The following TECR variants were observed in gnomAD, a reference collection of about 807,000 sequenced individuals.
The protein encoded by TECR is trans-2,3-enoyl-CoA reductase.
In TECR, 19 loss-of-function variants were observed where a neutral mutation model predicts 50.6. The observed-to-expected ratio is 0.38, with a 90% confidence interval of 0.26 to 0.55. The LOEUF is 0.55. Ranked by LOEUF, TECR falls within the 20% of genes least tolerant of loss-of-function variation. The pLI, the probability that TECR is intolerant of heterozygous loss-of-function variation, is 0.79. For synonymous variants in TECR, 168 were observed against 163.5 expected (o/e 1.03, Z -0.21); for missense variants, 313 against 408.3 (o/e 0.77, Z 2.01).
chr19:14,560,999 C>T (rs988058051), intron 1 of TECR, among the ~76,000 whole-genome samples: 1 of 152,120 alleles, frequency 6.6e-6, no homozygotes, highest in Non-Finnish European at 1.5e-5. Context: ...GGTGACATGC[C>T]TGGGGTCCCC....
At position 14,563,616 on chromosome 19, in the gene TECR, C is replaced by A; in HGVS notation, c.119-42C>A. The A allele has an allele frequency of 1.2e-6, 2 of 1,610,074 alleles. No homozygotes were observed. The highest frequency in any genetic ancestry group is 1.7e-6 in the Non-Finnish European group (2 of 1,179,682). On this transcript the variant is annotated intron_variant, in intron 3 of 12. Coordinates refer to ENST00000215567, the MANE Select transcript of TECR (RefSeq NM_138501.6). The surrounding 1 kb of genome is among the most constrained non-coding windows in gnomAD (Gnocchi z 5.3). ...TGGCTGGGCAGCGGACCGGCTGAGCCCTGCCAGGCTGTGGGCTGTAACTGC... is the reference window on the plus strand; with the variant it reads ...TGGCTGGGCAGCGGACCGGCTGAGCACTGCCAGGCTGTGGGCTGTAACTGC...
chr19:14,559,612 C>T (rs1375667469), intron 1 of TECR, among the ~76,000 whole-genome samples: 1 of 151,972 alleles, frequency 6.6e-6, no homozygotes, highest in African/African-American at 2.4e-5. Context: ...CATGGTGAAA[C>T]CCCATCTCTC....
intron 1 of TECR, among the ~76,000 whole-genome samples, chr19:14,552,473 C>G (rs2073562849): frequency 6.6e-6 from 1 of 151,986 alleles, no homozygotes; most frequent in African/African-American, 2.4e-5. Flanking sequence ...GCGAGGGCTT[C>G]CTCGTTCCCA....
intron 1 of TECR, among the ~76,000 whole-genome samples, chr19:14,547,063 A>G (rs187620605): frequency 6.6e-6 from 1 of 152,346 alleles, no homozygotes; most frequent in East Asian, 1.9e-4. Context: ...ATAAACATGT[A>G]TTATAATAAG....
chr19:14,535,271 G>C (rs1234338893), intron 1 of TECR, among the ~76,000 whole-genome samples: 2 of 151,640 alleles, frequency 1.3e-5, no homozygotes, highest in Non-Finnish European at 2.9e-5. Flanking sequence ...ACTTTGGGAG[G>C]CCGAGGTGGG....
chr19:14,528,457 C>T (rs2072486381), upstream of TECR, among the ~76,000 whole-genome samples: 1 of 151,026 alleles, frequency 6.6e-6, no homozygotes, highest in African/African-American at 2.4e-5. Flanking sequence ...CCAGGCTGGT[C>T]TCGAACTCCT....
intron 1 of TECR, among the ~76,000 whole-genome samples, chr19:14,537,717 C>T (rs991795150): frequency 1.3e-5 from 2 of 149,756 alleles, no homozygotes; most frequent in African/African-American, 2.5e-5. Context: ...TAGTAAATTA[C>T]GGTGAATATA....
intron 1 of TECR, among the ~76,000 whole-genome samples, chr19:14,545,428 C>T (rs2073271526): frequency 6.6e-6 from 1 of 152,224 alleles, no homozygotes; most frequent in African/African-American, 2.4e-5. Context: ...GTCTCCTCTC[C>T]ACAGCTCCTG....
chr19:14,539,678 C>T (rs1038719611), intron 1 of TECR, among the ~76,000 whole-genome samples: 3 of 152,130 alleles, frequency 2.0e-5, no homozygotes, highest in Admixed American at 6.5e-5. Flanking sequence ...CTGCCCTAAG[C>T]ACATGCTATT....
intron 1 of TECR, among the ~76,000 whole-genome samples, chr19:14,552,973 C>G (rs951150115): frequency 6.6e-6 from 1 of 152,058 alleles, no homozygotes; most frequent in Admixed American, 6.5e-5. Context: ...GGCCAGTGCT[C>G]CTCGGAGGCC....
At chr19:14,546,825 G>A (rs1239415139) in intron 1 of TECR, among the ~76,000 whole-genome samples, 1 of 152,130 alleles carries the variant, frequency 6.6e-6, no homozygotes, top group Non-Finnish European at 1.5e-5. Flanking sequence ...AGGTAGCTGG[G>A]ACTACAGGTG....
rs1007090986 is a variant in TECR, at chr19:14,564,082, G to A, written c.368G>A (p.Arg123Gln). The change falls in exon 6 of 13, where the codon CGG (arginine) becomes CAG (glutamine). Residue 123 changes from arginine (R) to glutamine (Q), a missense_variant. Coordinates refer to ENST00000215567, the MANE Select transcript of TECR (RefSeq NM_138501.6). ...YGHKYDFTSSRHTVVHLACIC... is the reference protein window; with the variant it reads ...YGHKYDFTSSQHTVVHLACIC... ...CACAAATATGACTTTACGTCCAGTCGGCATACAGTGGTGCAGTAAGTGGGG... is the reference window on the plus strand; with the variant it reads ...CACAAATATGACTTTACGTCCAGTCAGCATACAGTGGTGCAGTAAGTGGGG... 1.2e-6 allele frequency: 2 copies of A among 1,612,310 alleles called. No homozygotes were observed. The highest frequency in any genetic ancestry group is 2.2e-5 in the South Asian group (2 of 91,080).
intron 1 of TECR, among the ~76,000 whole-genome samples, chr19:14,544,607 C>T (rs1298431460): frequency 1.3e-5 from 2 of 148,700 alleles, no homozygotes; most frequent in African/African-American, 4.9e-5. Flanking sequence ...CCGGGCTCAT[C>T]TTTTGCTGCT....
chr19:14,564,103 T>C lies in TECR; in HGVS notation c.383+6T>C. 6.2e-7 allele frequency: 1 copy of C among 1,610,344 alleles called. No individual in the cohort carries two copies. The highest frequency in any genetic ancestry group is 8.5e-7 in the Non-Finnish European group (1 of 1,179,720). On this transcript the variant is annotated splice_donor_region_variant and intron_variant, in intron 6 of 12. Transcript: ENST00000215567. Reference sequence around the variant, plus strand: ...AGTCGGCATACAGTGGTGCAGTAAGTGGGGCAGGTGGGAGGAGGGTAGGGG... The same window carrying C: ...AGTCGGCATACAGTGGTGCAGTAAGCGGGGCAGGTGGGAGGAGGGTAGGGG...
rs773366371 is a variant in TECR at position 14,563,114 on chromosome 19, C to T, written c.67-92C>T. The T allele has an allele frequency of 1.6e-5, 25 of 1,558,368 alleles. No homozygotes were observed. The South Asian group carries it at 2.4e-4, about 15-fold the overall frequency. The stretch of plus-strand genomic sequence containing the variant: ...CTTCCCCCTTCCCATAGCTACAGCC[C>T]AACCCCCAGCCTGCCATCCCCTTTA... On this transcript the variant is annotated intron_variant, in intron 2 of 12. Transcript: ENST00000215567. This position sits in a 1 kb window ranked among gnomAD's most constrained non-coding sequence, Gnocchi z 5.3.
At chr19:14,553,379 G>A (rs2073606608) in intron 1 of TECR, among the ~76,000 whole-genome samples, 1 of 152,132 alleles carries the variant, frequency 6.6e-6, no homozygotes, top group Admixed American at 6.5e-5. Context: ...CTGGGAGTGG[G>A]AGGTCAGCCA....
At chr19:14,528,004 C>A (rs762748587), upstream of TECR, among the ~76,000 whole-genome samples, 12 of 151,810 alleles carry the variant, frequency 7.9e-5, no homozygotes, top group Non-Finnish European at 8.8e-5. Flanking sequence ...GATTCTCAGC[C>A]TCCCTAGTAG....
chr19:14,529,384 T>C (rs1464861480), upstream of TECR: 1 of 543,014 alleles, frequency 1.8e-6, no homozygotes, highest in Non-Finnish European at 3.3e-6. Context: ...TTTGGATTGG[T>C]GGATGGTCAA....
upstream of TECR, among the ~76,000 whole-genome samples, chr19:14,528,487 C>T (rs929934301): frequency 4.2e-4 from 64 of 151,956 alleles, no homozygotes; most frequent in African/African-American, 1.5e-3. Context: ...ATCTGCCCCC[C>T]TCGGCCTCCC....
Sources: allele counts gnomAD v4.1 joint callset (sites outside exome capture counted in the v4.1 genomes callset), GRCh38; gene constraint gnomAD v4.1.1; non-coding constraint Gnocchi (gnomAD v3.1); transcripts MANE v1.5; gene names NCBI Gene and HGNC (gene_info 2026-07-23, HGNC 2026-07-21).